MINDY2: variants seen among roughly 807,000 people sequenced by gnomAD.
MINDY2 encodes the protein ubiquitin carboxyl-terminal hydrolase MINDY-2.
Under a neutral mutation model 68.2 loss-of-function variants are expected in MINDY2, and 52 were observed. The observed-to-expected ratio is 0.76, with a 90% CI of 0.61 to 0.96. The LOEUF is 0.96. Among genes scored for constraint, MINDY2 ranks in the 40% least tolerant of loss-of-function variants. The pLI, the probability that MINDY2 is intolerant of heterozygous loss-of-function variation, is 0.00. For missense variants in MINDY2, 881 were observed against 773.4 expected (o/e 1.14, Z -1.65); for synonymous variants, 372 against 303.0 (o/e 1.23, Z -2.36).
intron 6 of MINDY2, among the ~76,000 whole-genome samples, chr15:58,844,632 G>A (rs977325972): frequency 1.4e-5 from 2 of 145,494 alleles, no homozygotes; most frequent in Admixed American, 7.0e-5. Flanking sequence ...AAAAATAAAC[G>A]TCAGGCCAGG....
intron 1 of MINDY2, among the ~76,000 whole-genome samples, chr15:58,775,532 A>G (rs1219464376): frequency 6.6e-6 from 1 of 152,228 alleles, no homozygotes; most frequent in Non-Finnish European, 1.5e-5. Flanking sequence ...TAGTGAGTGT[A>G]GCACGAAGAA....
At chr15:58,817,989 C>CT (rs2030811288) in intron 4 of MINDY2, among the ~76,000 whole-genome samples, 3 of 152,186 alleles carry the variant, frequency 2.0e-5, no homozygotes, top group Admixed American at 2.0e-4. Context: ...CTGAAAACAA[C>CT]TTGAATAGCC....
intron 5 of MINDY2, among the ~76,000 whole-genome samples, chr15:58,825,605 T>A (rs75610789): frequency 0.01 from 1,551 of 152,234 alleles, 52 homozygotes; most frequent in East Asian, 0.06. Context: ...TGTTTGTTTG[T>A]TTGTTTGTTT....
intron 1 of MINDY2, among the ~76,000 whole-genome samples, chr15:58,774,666 A>G (rs556765599): frequency 6.6e-6 from 1 of 152,228 alleles, no homozygotes; most frequent in South Asian, 2.1e-4. Flanking sequence ...GGGATTATCA[A>G]GGGAAGACTT....
rs775171731 is a variant in MINDY2 at position 58,771,467 on chromosome 15, T to C, written c.72T>C (p.Gly24=). Residue 24 remains glycine, a synonymous_variant, in exon 1 of 9, where the codon GGT becomes GGC. Coordinates refer to ENST00000559228, the MANE Select transcript of MINDY2 (RefSeq NM_001040450.3). ...CGGCCGGGCCAGCGTCAGGGACAGG[T>C]TCTTCGCAGGAAGGGCTACAGGAGA... The part of the protein sequence containing the change: ...GVAAGPASGT[G]SSQEGLQETR... 7 of 1,610,984 alleles carry C rather than the reference T, an allele frequency of 4.3e-6. No homozygotes were observed. The highest frequency in any genetic ancestry group is 5.9e-6 in the Non-Finnish European group (7 of 1,179,316).
rs761735588 is a variant in MINDY2 at position 58,771,843 on chromosome 15, G to A, written c.448G>A (p.Glu150Lys). Residue 150 changes from glutamate (E) to lysine (K), a missense_variant, in exon 1 of 9, where the codon GAG (glutamate) becomes AAG (lysine). By Grantham distance (56) the Glu-to-Lys change is moderately conservative. Transcript: ENST00000559228. ...QAELTAAGSE[E>K]PSSAGGLSSS... ...AGAACTGACCGCCGCCGGCTCCGAA[G>A]AGCCCAGCAGCGCCGGCGGCCTCAG... The A allele has an allele frequency of 1.2e-6, 2 of 1,601,432 alleles. No individual in the cohort carries two copies. The highest frequency in any genetic ancestry group is 1.7e-4 in the Middle Eastern group (1 of 5,992).
chr15:58,813,805 A>G (rs575246034), intron 4 of MINDY2, among the ~76,000 whole-genome samples: 8 of 151,836 alleles, frequency 5.3e-5, no homozygotes, highest in African/African-American at 1.9e-4. Flanking sequence ...AAAAGTTTAC[A>G]TTCCCACCAG....
At chr15:58,816,120 G>A (rs961031395) in intron 4 of MINDY2, among the ~76,000 whole-genome samples, 1 of 152,222 alleles carries the variant, frequency 6.6e-6, no homozygotes, top group African/African-American at 2.4e-5. Context: ...ATACATGTGT[G>A]CATCCATTAA....
intron 1 of MINDY2, among the ~76,000 whole-genome samples, chr15:58,775,363 A>T (rs1900709206): frequency 6.6e-6 from 1 of 152,212 alleles, no homozygotes; most frequent in Non-Finnish European, 1.5e-5. Flanking sequence ...AAAACAGTAA[A>T]TGGGGTGTGA....
At chr15:58,826,849 C>T (rs2031427796) in intron 5 of MINDY2, among the ~76,000 whole-genome samples, 1 of 151,980 alleles carries the variant, frequency 6.6e-6, no homozygotes, top group Non-Finnish European at 1.5e-5. Flanking sequence ...TAACCTTATT[C>T]CTTCCTCCCT....
At chr15:58,839,316 C>CTGTTTTTTTGTT (rs1567071260) in intron 6 of MINDY2, among the ~76,000 whole-genome samples, 1 of 68,516 alleles carries the variant, frequency 1.5e-5, no homozygotes, top group Non-Finnish European at 2.6e-5. Context: ...TTAAGTTAGA[C>CTGTTTTTTTGTT]TGTTTTTTTG....
chr15:58,846,623 T>C (rs1040766660), intron 6 of MINDY2, among the ~76,000 whole-genome samples: 2 of 149,536 alleles, frequency 1.3e-5, no homozygotes, highest in Non-Finnish European at 3.0e-5. Flanking sequence ...AAATCTCATG[T>C]AACCCACAAA....
intron 6 of MINDY2, among the ~76,000 whole-genome samples, chr15:58,837,968 C>CAAAA (rs34909401): frequency 0.021 from 1,558 of 75,062 alleles, 18 homozygotes; most frequent in Middle Eastern, 0.036. Context: ...GACCTTCTTT[C>CAAAA]AAAAAAAAAA....
chr15:58,787,846 A>G (rs1901612059), intron 1 of MINDY2, 60 bp from the exon 2 acceptor site: 1 of 1,164,452 alleles, frequency 8.6e-7, no homozygotes. Flanking sequence ...TTCTGACTGC[A>G]AGAAATACTT....
At chr15:58,786,024 A>T (rs1461845900) in intron 1 of MINDY2, among the ~76,000 whole-genome samples, 2 of 152,206 alleles carry the variant, frequency 1.3e-5, no homozygotes, top group Non-Finnish European at 2.9e-5. Context: ...TGAAATGATG[A>T]TCAAACTTCA....
chr15:58,803,806 A>C (rs1382742291), intron 3 of MINDY2, among the ~76,000 whole-genome samples: 1 of 150,900 alleles, frequency 6.6e-6, no homozygotes, highest in East Asian at 2.0e-4. Flanking sequence ...GCAGAGGGAG[A>C]CTCTGCCTCA....
chr15:58,824,620 A>C (rs2031271628), intron 5 of MINDY2, among the ~76,000 whole-genome samples: 1 of 152,002 alleles, frequency 6.6e-6, no homozygotes, highest in Admixed American at 6.6e-5. Context: ...AAAGACCGTA[A>C]TAGACATTTT....
intron 5 of MINDY2, among the ~76,000 whole-genome samples, chr15:58,829,320 T>G (rs1461872812): frequency 6.6e-6 from 1 of 152,206 alleles, no homozygotes; most frequent in Non-Finnish European, 1.5e-5. Flanking sequence ...TTGGGAGAGA[T>G]ATAATTCAAG....
chr15:58,785,036 C>G (rs1387052121), intron 1 of MINDY2, among the ~76,000 whole-genome samples: 1 of 150,872 alleles, frequency 6.6e-6, no homozygotes, highest in East Asian at 1.9e-4. Flanking sequence ...ACCTGTTTCT[C>G]CTTTGAAAAA....
Sources: gnomAD v4.1 joint callset for allele counts (sites outside exome capture counted in the v4.1 genomes callset) on GRCh38, gnomAD v4.1.1 for gene constraint, MANE v1.5 for transcripts, NCBI Gene and HGNC (gene_info 2026-07-23, HGNC 2026-07-21) for gene names.